ANKFN1: variants seen among roughly 807,000 people sequenced by gnomAD.
ANKFN1 encodes ankyrin repeat and fibronectin type III domain containing 1.
In ANKFN1, 74 loss-of-function variants were observed where a neutral mutation model predicts 108.7. That is an observed-to-expected ratio of 0.68 (90% CI 0.56 to 0.83). The LOEUF is 0.83. ANKFN1 is among the 40% of genes least tolerant of loss of function. The pLI is 0.00. For synonymous variants in ANKFN1, 547 were observed against 516.2 expected (o/e 1.06, Z -0.81); for missense variants, 1,505 against 1,382.3 (o/e 1.09, Z -1.41).
At chr17:56,162,908 G>A (rs757385849) in intron 1 of ANKFN1, among the ~76,000 whole-genome samples, 9 of 151,938 alleles carry the variant, frequency 5.9e-5, no homozygotes, top group Non-Finnish European at 1.2e-4. Context: ...GCTGGCAGGC[G>A]CCTGTAATCC....
At chr17:56,468,284 A>G (rs2050200240) in intron 15 of ANKFN1, among the ~76,000 whole-genome samples, 2 of 152,204 alleles carry the variant, frequency 1.3e-5, no homozygotes, top group Non-Finnish European at 2.9e-5. Flanking sequence ...TTCAAAATCC[A>G]GGTAGCTCAG....
At chr17:56,489,947 A>G (rs1292681229) in intron 18 of ANKFN1, among the ~76,000 whole-genome samples, 1 of 152,126 alleles carries the variant, frequency 6.6e-6, no homozygotes, top group East Asian at 1.9e-4. Flanking sequence ...GACCTGAAAC[A>G]CCTTTCCAAA....
At chr17:56,342,147 T>C (rs2045975492) in intron 4 of ANKFN1, among the ~76,000 whole-genome samples, 2 of 152,156 alleles carry the variant, frequency 1.3e-5, no homozygotes, top group South Asian at 4.1e-4. Context: ...GAGTCAGTGG[T>C]AATATCCCCC....
chr17:56,495,890 A>T (rs981892405), intron 19 of ANKFN1, among the ~76,000 whole-genome samples: 1 of 152,142 alleles, frequency 6.6e-6, no homozygotes, highest in African/African-American at 2.4e-5. Flanking sequence ...GAGTAAAGAG[A>T]AAGGAATATA....
In ANKFN1 at chr17:56,432,427, C is replaced by T. The variant is rs144092208; in HGVS notation, c.911-7900C>T. ...AATAATGTATAATAAAATATTACTA[C>T]ACATAGTAATAAAATGTAATAATAA... On this transcript the variant is annotated intron_variant, in intron 8 of 20. Coordinates refer to ENST00000682825, the MANE Select transcript of ANKFN1 (RefSeq NM_001370326.1). Among the ~76,000 whole-genome samples the T allele has an allele frequency of 9.3e-4, 142 of 152,342 alleles. 4 individuals carry two copies. The East Asian group carries it at 0.024, about 25-fold the overall frequency.
chr17:56,138,111 A>G (rs1020686155), intron 4 of ANKFN1, among the ~76,000 whole-genome samples: 7 of 152,218 alleles, frequency 4.6e-5, no homozygotes, highest in Non-Finnish European at 1.0e-4. Context: ...GCAAGCCCAC[A>G]TCTAGAAGAC....
chr17:56,195,500 C>G (rs1190434212), intron 1 of ANKFN1: 1 of 152,210 alleles, frequency 6.6e-6, no homozygotes, highest in Non-Finnish European at 1.5e-5. Context: ...GCCTCCATCT[C>G]TAATTGCCTT....
At chr17:56,296,776 GAGTGTCATTGGTCA>G (rs1281751199) in intron 3 of ANKFN1, among the ~76,000 whole-genome samples, 1 of 152,204 alleles carries the variant, frequency 6.6e-6, no homozygotes, top group African/African-American at 2.4e-5. Context: ...GTCCACTGCT[GAGTGTCATTGGTCA>G]AGTGGTTTAG....
chr17:56,175,555 C>T (rs1911066424), intron 1 of ANKFN1, among the ~76,000 whole-genome samples: 1 of 152,194 alleles, frequency 6.6e-6, no homozygotes, highest in Non-Finnish European at 1.5e-5. Flanking sequence ...AGCAACTCAG[C>T]TCATGAAGTC....
rs1158722950 is a variant in ANKFN1 at position 56,510,635 on chromosome 17, C to T, written c.2807C>T (p.Ala936Val). 3.3e-6 allele frequency: 5 copies of T among 1,536,048 alleles called. No individual in the cohort carries two copies. The highest frequency in any genetic ancestry group is 3.3e-4 in the Middle Eastern group (2 of 6,012). ...QQTLSGLSGS[A>V]PDVLQVHDVK... is the part of the protein sequence containing the mutation. ...ACCCTTAGCGGCCTAAGCGGCAGCG[C>T]CCCCGACGTCCTGCAAGTGCACGAC... Residue 936 changes from alanine to valine, a missense_variant, in exon 21 of 21, where the codon GCC (alanine) becomes GTC (valine). Physicochemically the swap from Ala to Val is moderately conservative, Grantham distance 64. Coordinates refer to ENST00000682825, the MANE Select transcript of ANKFN1 (RefSeq NM_001370326.1).
intron 4 of ANKFN1, among the ~76,000 whole-genome samples, chr17:56,105,758 GGAGA>G (rs1453627482): frequency 2.0e-5 from 3 of 147,164 alleles, no homozygotes; most frequent in Non-Finnish European, 4.5e-5. Flanking sequence ...AGGGAGAGAG[GGAGA>G]GAGAGAGTTA....
chr17:56,141,923 C>CTGTTTTTTTT (rs1294074019), intron 4 of ANKFN1, among the ~76,000 whole-genome samples: 1 of 95,654 alleles, frequency 1.0e-5, no homozygotes, highest in African/African-American at 4.7e-5. Context: ...CGATGGTGTA[C>CTGTTTTTTTT]TTTTTTTTTT....
intron 8 of ANKFN1, among the ~76,000 whole-genome samples, chr17:56,382,165 G>A (rs1372805887): frequency 3.3e-5 from 5 of 152,282 alleles, no homozygotes; most frequent in Non-Finnish European, 5.9e-5. Context: ...AAGAGAATGG[G>A]GGCCAATATT....
intron 3 of ANKFN1, among the ~76,000 whole-genome samples, chr17:56,321,555 C>A (rs376315976): frequency 2.6e-4 from 39 of 151,366 alleles, no homozygotes; most frequent in African/African-American, 7.5e-4. Context: ...GTCTAACAAA[C>A]AAACCACATG....
At chr17:56,230,408 T>A (rs538592424) in intron 3 of ANKFN1, among the ~76,000 whole-genome samples, 1 of 152,252 alleles carries the variant, frequency 6.6e-6, no homozygotes, top group African/African-American at 2.4e-5. Flanking sequence ...GTTGTGATAA[T>A]CACATGATAT....
At chr17:56,247,662 C>T (rs1017350980) in intron 3 of ANKFN1, among the ~76,000 whole-genome samples, 1 of 152,058 alleles carries the variant, frequency 6.6e-6, no homozygotes, top group African/African-American at 2.4e-5. Context: ...TCATTTTGCC[C>T]AAGATCACAT....
chr17:56,051,898 C>T (rs1276113070), intron 4 of ANKFN1, among the ~76,000 whole-genome samples: 5 of 150,372 alleles, frequency 3.3e-5, no homozygotes, highest in African/African-American at 1.2e-4. Context: ...AACTACAAAC[C>T]ACTGCTCAAA....
intron 3 of ANKFN1, among the ~76,000 whole-genome samples, chr17:56,272,684 C>T (rs2043823191): frequency 6.6e-6 from 1 of 152,184 alleles, no homozygotes; most frequent in Non-Finnish European, 1.5e-5. Context: ...GGTATATCCA[C>T]AAGTGGAATT....
chr17:56,361,367 C>T (rs1355792865), intron 6 of ANKFN1, among the ~76,000 whole-genome samples: 1 of 151,998 alleles, frequency 6.6e-6, no homozygotes, highest in African/African-American at 2.4e-5. Context: ...GCAGACTTTT[C>T]CCCATGAGTT....
Sources: gnomAD v4.1 joint callset for allele counts (sites outside exome capture counted in the v4.1 genomes callset) on GRCh38, gnomAD v4.1.1 for gene constraint, MANE v1.5 for transcripts, NCBI Gene and HGNC (gene_info 2026-07-23, HGNC 2026-07-21) for gene names.